Variants in COLEC10 observed in about 807,000 individuals in gnomAD.
COLEC10 encodes the protein collectin-10.
In COLEC10, 22 loss-of-function variants were observed where a neutral mutation model predicts 28.4. The ratio of observed to expected loss-of-function variants is 0.78; its 90% confidence interval spans 0.55 to 1.11. The LOEUF (loss-of-function observed/expected upper bound fraction) is 1.11, where lower values mean the gene tolerates loss of function less well. Among genes scored for constraint, COLEC10 ranks in the 50% least tolerant of loss-of-function variants. The probability of loss-of-function intolerance (pLI) is 0.00; values close to 1 mark genes in which losing one functional copy is unlikely to be tolerated. For missense variants in COLEC10, 361 were observed against 344.1 expected (o/e 1.05, Z -0.39); for synonymous variants, 125 against 116.1 (o/e 1.08, Z -0.49).
intron 2 of COLEC10, among the ~76,000 whole-genome samples, chr8:119,031,092 A>T (rs1172525445): frequency 6.6e-6 from 1 of 152,234 alleles, no homozygotes; most frequent in African/African-American, 2.4e-5. Flanking sequence ...TGGTTGTACA[A>T]ATGCTGTTTT....
At chr8:119,040,906 TCAAA>T (rs1563725225) in intron 2 of COLEC10, among the ~76,000 whole-genome samples, 1 of 152,086 alleles carries the variant, frequency 6.6e-6, no homozygotes, top group Non-Finnish European at 1.5e-5. Flanking sequence ...CTTCTATTTG[TCAAA>T]CAAACTAGAA....
intron 2 of COLEC10, among the ~76,000 whole-genome samples, chr8:119,022,383 C>A (rs1434620726): frequency 1.3e-5 from 2 of 151,766 alleles, no homozygotes; most frequent in African/African-American, 2.4e-5. Context: ...GAATGAAGCA[C>A]CAAAGATTTT....
chr8:119,078,290 T>G (rs1815295838), intron 1 of COLEC10, among the ~76,000 whole-genome samples: 1 of 152,214 alleles, frequency 6.6e-6, no homozygotes, highest in South Asian at 2.1e-4. Context: ...TGAGATTGTT[T>G]GTATCTGATC....
intron 3 of COLEC10, among the ~76,000 whole-genome samples, chr8:119,096,814 T>G (rs1563742906): frequency 1.3e-5 from 2 of 151,928 alleles, no homozygotes. Context: ...AGAACATATT[T>G]GACTAAACTA....
At position 118,996,277 on chromosome 8, in the gene COLEC10, T is replaced by TG. The variant is rs1292618193; in HGVS notation, n.122+705dup. Reference sequence around the variant, plus strand: ...AACATTTCCTTTATTCACACAACCATGATAGAGATTTCTTGGCTATTGTAA... The same window carrying TG: ...AACATTTCCTTTATTCACACAACCATGGATAGAGATTTCTTGGCTATTGTAA... On this transcript the variant is annotated intron_variant and non_coding_transcript_variant, in intron 1 of 6. Coordinates refer to the COLEC10 transcript ENST00000521788. Among the ~76,000 whole-genome samples, 3 of 152,170 alleles carry TG rather than the reference T, an allele frequency of 2.0e-5. No individual in the cohort carries two copies. In the East Asian group the frequency reaches 5.8e-4, roughly 29 times the overall value.
chr8:118,976,132 G>A, the COLEC10 span, among the ~76,000 whole-genome samples: 1 of 151,994 alleles, frequency 6.6e-6, no homozygotes, highest in African/African-American at 2.4e-5. Context: ...CAGCCAGGTA[G>A]TATCCAAATA....
At chr8:119,014,258 C>T (rs572951281) in intron 2 of COLEC10, among the ~76,000 whole-genome samples, 4 of 150,128 alleles carry the variant, frequency 2.7e-5, no homozygotes, top group South Asian at 2.1e-4. Context: ...GTTGCTCTAC[C>T]GGCATCAAAT....
At chr8:119,029,965 A>G (rs1235354243) in intron 2 of COLEC10, among the ~76,000 whole-genome samples, 4 of 152,148 alleles carry the variant, frequency 2.6e-5, no homozygotes, top group African/African-American at 4.8e-5. Context: ...CCTTAACTAT[A>G]TATGTATGTA....
At chr8:118,997,878 A>G (rs1486631904) in intron 1 of COLEC10, among the ~76,000 whole-genome samples, 1 of 152,228 alleles carries the variant, frequency 6.6e-6, no homozygotes, top group East Asian at 1.9e-4. Context: ...GTTAAGGGAA[A>G]TGTTTTAGAG....
chr8:119,023,193 T>C lies in COLEC10; in HGVS notation n.235+13640T>C, dbSNP rs193086375. Among the ~76,000 whole-genome samples, 130 of 152,314 alleles carry C rather than the reference T, an allele frequency of 8.5e-4. 1 individual carries two copies. Among genetic ancestry groups the C allele is most frequent in the Admixed American group, 2.6e-3 (40 of 15,278 alleles). On this transcript the variant is annotated intron_variant and non_coding_transcript_variant, in intron 2 of 6. Transcript: ENST00000521788. ...TTACTTATGCTTGTCTATTCTTTTC[T>C]GTAGCTTGTATCACTGTTTTATATT...
intron 2 of COLEC10, among the ~76,000 whole-genome samples, chr8:119,029,662 T>C (rs1054826092): frequency 1.3e-5 from 2 of 152,102 alleles, no homozygotes; most frequent in Non-Finnish European, 1.5e-5. Flanking sequence ...GTTATAACCA[T>C]CCTGAGGGCA....
At chr8:119,096,930 A>G (rs1424829377) in intron 3 of COLEC10, among the ~76,000 whole-genome samples, 1 of 152,104 alleles carries the variant, frequency 6.6e-6, no homozygotes, top group Non-Finnish European at 1.5e-5. Flanking sequence ...TTGCTTCACT[A>G]TACCATGGAA....
intron 1 of COLEC10, among the ~76,000 whole-genome samples, chr8:119,071,293 T>C (rs1448610893): frequency 6.6e-6 from 1 of 152,260 alleles, no homozygotes; most frequent in Non-Finnish European, 1.5e-5. Flanking sequence ...TTTTGATGTT[T>C]GCTAGCTTTT....
intron 1 of COLEC10, among the ~76,000 whole-genome samples, chr8:119,084,600 G>A (rs1208303692): frequency 6.6e-6 from 1 of 152,198 alleles, no homozygotes; most frequent in Non-Finnish European, 1.5e-5. Flanking sequence ...CAAGATCACA[G>A]AACTCTATCA....
the COLEC10 span, among the ~76,000 whole-genome samples, chr8:118,960,785 GAA>G: frequency 0.011 from 767 of 72,526 alleles, 4 homozygotes; most frequent in African/African-American, 0.033. Context: ...GAGACTCTGT[GAA>G]AAAAAAAAAA....
In COLEC10 at chr8:119,106,425, T is replaced by C; in HGVS notation, c.*234T>C. On this transcript the variant is annotated 3_prime_UTR_variant, in exon 6 of 6. Transcript: ENST00000332843. ...AGGTTACATGGGTCTTGAGAGAGAA[T>C]TTTAATTACTAATTGTGCACGAGAT... 2.3e-6 allele frequency: 1 copy of C among 428,364 alleles called. No individual in the cohort carries two copies. Among genetic ancestry groups the C allele is most frequent in the Non-Finnish European group, 4.2e-6 (1 of 235,922 alleles). 26.5% of individuals were successfully genotyped at this position (428,364 alleles called of 1,614,324 possible). A position where few individuals can be genotyped will look rare whatever the true frequency, so the allele number is the denominator to read the frequency against.
At chr8:119,105,474 G>A (rs1306052919) in intron 5 of COLEC10, among the ~76,000 whole-genome samples, 2 of 152,146 alleles carry the variant, frequency 1.3e-5, no homozygotes, top group African/African-American at 4.8e-5. Flanking sequence ...GTAGCCACCA[G>A]TATAGCTAAA....
chr8:119,066,540 G>A (rs3812490), upstream of COLEC10, among the ~76,000 whole-genome samples: 4,378 of 152,222 alleles, frequency 0.029, 157 homozygotes, highest in East Asian at 0.2. Flanking sequence ...CTGTTAACAC[G>A]TTGTTAGGCA....
intron 2 of COLEC10, among the ~76,000 whole-genome samples, chr8:119,014,399 T>G (rs1468808308): frequency 6.8e-6 from 1 of 147,632 alleles, no homozygotes; most frequent in Non-Finnish European, 1.5e-5. Flanking sequence ...ACTCTTTCTT[T>G]GTTTGCATGA....
Sources: gnomAD v4.1 joint callset for allele counts (sites outside exome capture counted in the v4.1 genomes callset) on GRCh38, gnomAD v4.1.1 for gene constraint, MANE v1.5 for transcripts, NCBI Gene and HGNC (gene_info 2026-07-23, HGNC 2026-07-21) for gene names.